The following AGT variants were observed in gnomAD, a reference collection of about 807,000 sequenced individuals.
The protein encoded by AGT is alpha-1 antiproteinase, antitrypsin.
In AGT, 26 loss-of-function variants were observed where a neutral mutation model predicts 28.1. The observed-to-expected ratio is 0.92, with a 90% CI of 0.68 to 1.28. The LOEUF is 1.28. AGT is among the 50% of genes most tolerant of loss of function. The pLI is 0.00. For synonymous variants in AGT, 259 were observed against 259.6 expected, an observed-to-expected ratio of 1.00 and a Z score of 0.02; for missense variants, 596 against 592.3, an observed-to-expected ratio of 1.01 and a Z score of -0.06.
At chr1:230,728,856 T>A (rs978941456) in intron 1 of AGT, among the ~76,000 whole-genome samples, 8 of 152,318 alleles carry the variant, frequency 5.3e-5, no homozygotes, top group African/African-American at 1.9e-4. Flanking sequence ...CTCCCTGCAA[T>A]CCCTGTCTCA....
chr1:230,726,294 G>A (rs1663941141), intron 1 of AGT, among the ~76,000 whole-genome samples: 1 of 152,048 alleles, frequency 6.6e-6, no homozygotes, highest in Non-Finnish European at 1.5e-5. Flanking sequence ...TGATGAAGAT[G>A]ACAAAGAACA....
At chr1:230,738,805 C>G (rs756555895) in intron 1 of AGT, among the ~76,000 whole-genome samples, 1 of 152,120 alleles carries the variant, frequency 6.6e-6, no homozygotes, top group Non-Finnish European at 1.5e-5. Flanking sequence ...TGTCCCATAA[C>G]TAAATACACA....
intron 2 of AGT, among the ~76,000 whole-genome samples, chr1:230,706,791 C>T (rs1338330333): frequency 6.6e-6 from 1 of 152,110 alleles, no homozygotes; most frequent in African/African-American, 2.4e-5. Flanking sequence ...TTTGAGTCTC[C>T]CTCCTGGTGT....
intron 1 of AGT, among the ~76,000 whole-genome samples, chr1:230,724,807 C>T (rs2102799818): frequency 6.6e-6 from 1 of 152,224 alleles, no homozygotes; most frequent in African/African-American, 2.4e-5. Flanking sequence ...GTCCGGGTAA[C>T]AGAGTAAGAC....
chr1:230,717,109 C>G (rs948463301), upstream of AGT, among the ~76,000 whole-genome samples: 2 of 145,904 alleles, frequency 1.4e-5, no homozygotes, highest in African/African-American at 2.5e-5. Flanking sequence ...TTTGTGAGCT[C>G]CAGGTTGGGT....
At chr1:230,719,404 A>AT (rs1553314958), upstream of AGT, among the ~76,000 whole-genome samples, 8 of 99,564 alleles carry the variant, frequency 8.0e-5, no homozygotes, top group South Asian at 3.3e-4. Flanking sequence ...TATTATCATT[A>AT]TGTTTTTTTT....
chr1:230,720,460 C>T (rs867203427), intron 1 of AGT, among the ~76,000 whole-genome samples: 10 of 152,290 alleles, frequency 6.6e-5, no homozygotes, highest in Middle Eastern at 6.8e-3. Context: ...GAAACACTCA[C>T]TTTCCTACTA....
upstream of AGT, among the ~76,000 whole-genome samples, chr1:230,718,267 A>G (rs1160980339): frequency 1.3e-5 from 2 of 152,024 alleles, no homozygotes; most frequent in Non-Finnish European, 2.9e-5. Flanking sequence ...TTTAATAATA[A>G]TTTTTATTGT....
chr1:230,741,554 C>G (rs964228835), intron 1 of AGT, among the ~76,000 whole-genome samples: 1 of 152,232 alleles, frequency 6.6e-6, no homozygotes, highest in Non-Finnish European at 1.5e-5. Flanking sequence ...CTCATTCCCA[C>G]TGAAGAAAAG....
upstream of AGT, among the ~76,000 whole-genome samples, chr1:230,717,419 G>A (rs1210659730): frequency 6.6e-6 from 1 of 152,076 alleles, no homozygotes; most frequent in African/African-American, 2.4e-5. Flanking sequence ...AACCAAACCA[G>A]GAAAGCAGAT....
intron 1 of AGT, among the ~76,000 whole-genome samples, chr1:230,723,646 G>T (rs1365348645): frequency 2.6e-5 from 4 of 152,078 alleles, no homozygotes; most frequent in Non-Finnish European, 5.9e-5. Context: ...TTTCCTGTTA[G>T]TTTTTATTTT....
At position 230,710,495 on chromosome 1, in the gene AGT, C is replaced by G; in HGVS notation, c.329G>C (p.Gly110Ala). The G allele has an allele frequency of 6.2e-7, 1 of 1,614,220 alleles. No individual in the cohort carries two copies. The highest frequency in any genetic ancestry group is 8.5e-7 in the Non-Finnish European group (1 of 1,180,044). The change falls in exon 2 of 5, where the codon GGC (glycine) becomes GCC (alanine). Residue 110 changes from glycine to alanine, a missense_variant. Gly to Ala is a moderately conservative substitution (Grantham distance 60, BLOSUM62 0). Coordinates refer to ENST00000366667, the MANE Select transcript of AGT (RefSeq NM_001384479.1). The part of the protein sequence containing the change: ...LANFLGFRIY[G>A]MHSELWGVVH... ...CACGCCCCATAGCTCACTGTGCATGCCATATATACGGAAGCCCAAGAAGTT... is the reference window on the plus strand; with the variant it reads ...CACGCCCCATAGCTCACTGTGCATGGCATATATACGGAAGCCCAAGAAGTT...
chr1:230,709,052 C>G (rs1291549696), intron 2 of AGT, among the ~76,000 whole-genome samples: 2 of 152,214 alleles, frequency 1.3e-5, no homozygotes, highest in African/African-American at 2.4e-5. Flanking sequence ...AAGGCCTGCT[C>G]TCCGCTCCCC....
Position 230,710,398 on chromosome 1 carries a change from C to G in AGT, c.426G>C (p.Leu142Phe), listed in dbSNP as rs1391028161. ...GTLASLYLGA[L>F]DHTADRLQAI... is the part of the protein sequence containing the mutation. ...CCTGTAGCCTGTCAGCTGTGTGGTC[C>G]AAGGCTCCCAGATAGAGAGAGGCCA... The change falls in exon 2 of 5, where the codon TTG (leucine) becomes TTC (phenylalanine). Residue 142 changes from leucine (L) to phenylalanine (F), a missense_variant. By Grantham distance (22) the Leu-to-Phe change is conservative (BLOSUM62 0). Coordinates refer to ENST00000366667, the MANE Select transcript of AGT (RefSeq NM_001384479.1). 1.2e-6 allele frequency: 2 copies of G among 1,614,202 alleles called. No homozygotes were observed. Among genetic ancestry groups the G allele is most frequent in the Admixed American group, 3.3e-5 (2 of 60,030 alleles).
chr1:230,722,320 G>A (rs1202947632), intron 1 of AGT, among the ~76,000 whole-genome samples: 1 of 152,258 alleles, frequency 6.6e-6, no homozygotes, highest in East Asian at 1.9e-4. Flanking sequence ...GTCTACTGCA[G>A]GGGTGGAGAT....
intron 1 of AGT, among the ~76,000 whole-genome samples, chr1:230,738,906 T>A (rs1664196450): frequency 6.6e-6 from 1 of 152,140 alleles, no homozygotes; most frequent in African/African-American, 2.4e-5. Flanking sequence ...AATATAAAAA[T>A]CTCTGTAGTC....
At chr1:230,735,129 C>T (rs971155228) in intron 1 of AGT, among the ~76,000 whole-genome samples, 3 of 152,142 alleles carry the variant, frequency 2.0e-5, no homozygotes, top group African/African-American at 7.2e-5. Context: ...TTATAGGCCT[C>T]CCGCCCTCCT....
rs1411926907 is a variant in AGT, at chr1:230,703,037, G to T, written c.*104C>A. On this transcript the variant is annotated 3_prime_UTR_variant, in exon 5 of 5. Transcript: ENST00000366667. ...TAGAAGAAAAGGTGGGAGACTGGGG[G>T]TGACACATCGCTGATTTGTCCGGGG... 7.8e-7 allele frequency: 1 copy of T among 1,277,010 alleles called. No individual in the cohort carries two copies. The highest frequency in any genetic ancestry group is 1.1e-6 in the Non-Finnish European group (1 of 910,708). The allele number at this position is 1,277,010 out of a possible 1,614,324, so 79.1% of individuals were successfully genotyped here.
In AGT at chr1:230,703,120, C is replaced by T; in HGVS notation, c.*21G>A. The T allele has an allele frequency of 6.2e-7, 1 of 1,611,982 alleles. No homozygotes were observed. The highest frequency in any genetic ancestry group is 8.5e-7 in the Non-Finnish European group (1 of 1,179,256). Reference sequence around the variant, plus strand: ...CCAGGGGCAGAGGCCTTGCCAGGCACTGTGTTCTGGGGCCCTGGCCTCATG... The same window carrying T: ...CCAGGGGCAGAGGCCTTGCCAGGCATTGTGTTCTGGGGCCCTGGCCTCATG... On this transcript the variant is annotated 3_prime_UTR_variant, in exon 5 of 5. Coordinates refer to ENST00000366667, the MANE Select transcript of AGT (RefSeq NM_001384479.1).
Sources: gnomAD v4.1 joint callset for allele counts (sites outside exome capture counted in the v4.1 genomes callset) on GRCh38, gnomAD v4.1.1 for gene constraint, MANE v1.5 for transcripts, NCBI Gene and HGNC (gene_info 2026-07-23, HGNC 2026-07-21) for gene names.